RASSF5: variants seen among roughly 807,000 people sequenced by gnomAD.
RASSF5 encodes the protein Ras association domain family member 5, also known as ras association domain-containing protein 5.
Under a neutral mutation model 40.5 loss-of-function variants are expected in RASSF5, and 25 were observed. That is an observed-to-expected ratio of 0.62 (90% CI 0.45 to 0.86). The LOEUF is 0.86. RASSF5 is among the 40% of genes least tolerant of loss of function. The probability of loss-of-function intolerance (pLI) is 0.00; values close to 1 mark genes in which losing one functional copy is unlikely to be tolerated. For missense variants in RASSF5, 521 were observed against 572.8 expected, an observed-to-expected ratio of 0.91 and a Z score of 0.92; for synonymous variants, 246 against 252.4, an observed-to-expected ratio of 0.97 and a Z score of 0.24.
intron 1 of RASSF5, among the ~76,000 whole-genome samples, chr1:206,530,665 A>G (rs931541737): frequency 6.6e-6 from 1 of 152,212 alleles, no homozygotes; most frequent in African/African-American, 2.4e-5. Context: ...AGGAAGGGTG[A>G]GTAGAAAAGC....
At chr1:206,585,542 T>G in intron 5 of RASSF5, 1 of 348,032 alleles carries the variant, frequency 2.9e-6, no homozygotes, top group Non-Finnish European at 5.3e-6. Flanking sequence ...GGATTTCATG[T>G]GCTTTATTTC....
Position 206,584,360 on chromosome 1 carries a change from C to T in RASSF5, c.691-27C>T, listed in dbSNP as rs781893862. ...GATCATGCAAGGCGGACGGCCCTGACCCCCTGTGACATGCCCCCGCTGGCA... is the reference window on the plus strand; with the variant it reads ...GATCATGCAAGGCGGACGGCCCTGATCCCCTGTGACATGCCCCCGCTGGCA... On this transcript the variant is annotated intron_variant, in intron 3 of 5. Coordinates refer to ENST00000579436, the MANE Select transcript of RASSF5 (RefSeq NM_182663.4). This position sits in a 1 kb window ranked among gnomAD's most constrained non-coding sequence, Gnocchi z 4.9. 6 of 1,590,674 alleles carry T rather than the reference C, an allele frequency of 3.8e-6. No homozygotes were observed. Among genetic ancestry groups the T allele is most frequent in the Non-Finnish European group, 5.1e-6 (6 of 1,167,480 alleles).
At chr1:206,557,226 T>C in intron 2 of RASSF5, 2 of 1,081,612 alleles carry the variant, frequency 1.8e-6, no homozygotes, top group South Asian at 3.4e-5. Flanking sequence ...GAGATGGCGC[T>C]CTGCACGGCG....
At chr1:206,553,070 C>T (rs537916257) in intron 2 of RASSF5, among the ~76,000 whole-genome samples, 25 of 152,122 alleles carry the variant, frequency 1.6e-4, no homozygotes, top group African/African-American at 3.6e-4. Context: ...GGTGTGGTGG[C>T]GGGCGCCTGT....
At chr1:206,570,078 CTTT>C (rs375900760) in intron 2 of RASSF5, among the ~76,000 whole-genome samples, 2,547 of 119,170 alleles carry the variant, frequency 0.021, 81 homozygotes, top group South Asian at 0.13. Context: ...TAAAATTTAC[CTTT>C]TTTTTTTTTT....
chr1:206,565,146 C>T (rs1668250346), intron 2 of RASSF5, among the ~76,000 whole-genome samples: 1 of 152,186 alleles, frequency 6.6e-6, no homozygotes, highest in African/African-American at 2.4e-5. Context: ...TAGTCCCCCA[C>T]CTTCAATACC....
chr1:206,515,481 T>C (rs2103502580), intron 1 of RASSF5, among the ~76,000 whole-genome samples: 1 of 152,340 alleles, frequency 6.6e-6, no homozygotes, highest in Middle Eastern at 3.4e-3. Flanking sequence ...GTCCTCCTTC[T>C]TGCCATGGCC....
chr1:206,557,886 C>T (rs181919601), intron 2 of RASSF5, among the ~76,000 whole-genome samples: 1 of 152,302 alleles, frequency 6.6e-6, no homozygotes, highest in Non-Finnish European at 1.5e-5. Flanking sequence ...GGTCAGCCCT[C>T]CTCACAGCGG....
chr1:206,538,638 C>T (rs1667475014), intron 2 of RASSF5, among the ~76,000 whole-genome samples: 1 of 152,156 alleles, frequency 6.6e-6, no homozygotes, highest in African/African-American at 2.4e-5. Context: ...AGTGGGGATG[C>T]TGGGGCTGAG....
At chr1:206,510,522 C>T (rs1666588507) in intron 1 of RASSF5, among the ~76,000 whole-genome samples, 1 of 152,210 alleles carries the variant, frequency 6.6e-6, no homozygotes, top group Non-Finnish European at 1.5e-5. Flanking sequence ...ATTGTCCCCT[C>T]CCATCTAACA....
rs1450382203 is a variant in RASSF5 at position 206,588,556 on chromosome 1, G to A, written c.*1578G>A. On this transcript the variant is annotated 3_prime_UTR_variant, in exon 6 of 6. Transcript: ENST00000579436. ...TCCTCTGCCTTCCCAAGTCCCTCTT[G>A]GGTCGGTTCAAGCCCAAGCTTGTTC... The A allele has an allele frequency of 6.6e-6, 1 of 152,284 alleles. No individual in the cohort carries two copies. The highest frequency in any genetic ancestry group is 6.5e-5 in the Admixed American group (1 of 15,276). 9.4% of individuals were successfully genotyped at this position (152,284 alleles called of 1,614,324 possible).
chr1:206,510,556 G>A (rs1449229400), intron 1 of RASSF5, among the ~76,000 whole-genome samples: 2 of 152,060 alleles, frequency 1.3e-5, no homozygotes, highest in African/African-American at 4.8e-5. Context: ...GTCTGGGCTT[G>A]TGACACCTCC....
chr1:206,534,638 T>C (rs147731908), intron 1 of RASSF5, among the ~76,000 whole-genome samples: 42 of 152,314 alleles, frequency 2.8e-4, no homozygotes, highest in African/African-American at 9.9e-4. Context: ...CTGTCTCTAG[T>C]TGAGCAAGCT....
At chr1:206,566,160 G>A (rs1196216867) in intron 2 of RASSF5, among the ~76,000 whole-genome samples, 1 of 152,166 alleles carries the variant, frequency 6.6e-6, no homozygotes, top group Admixed American at 6.5e-5. Context: ...TGTGAAAGGG[G>A]GTGAGCCAAG....
At chr1:206,510,924 C>T (rs1172329331) in intron 1 of RASSF5, among the ~76,000 whole-genome samples, 3 of 152,080 alleles carry the variant, frequency 2.0e-5, no homozygotes, top group African/African-American at 7.2e-5. Context: ...CATCTGTCTG[C>T]CCAGGAGACT....
rs1386001165 is a variant in RASSF5 at position 206,513,892 on chromosome 1, T to C, written c.457+5833T>C. 1.3e-5 allele frequency among the ~76,000 whole-genome samples: 2 copies of C among 152,114 alleles called. No homozygotes were observed. The highest frequency in any genetic ancestry group is 2.9e-5 in the Non-Finnish European group (2 of 68,008). The stretch of plus-strand genomic sequence containing the variant: ...GAATAAAGTCGGGGCTTGGGAGCAG[T>C]CATGGGTTGCCCCACCCCAAGGTCA... On this transcript the variant is annotated intron_variant, in intron 1 of 5. Coordinates refer to ENST00000579436, the MANE Select transcript of RASSF5 (RefSeq NM_182663.4). The surrounding 1 kb of genome is among the most constrained non-coding windows in gnomAD (Gnocchi z 5.0).
At chr1:206,540,489 C>G (rs1176937099) in intron 2 of RASSF5, among the ~76,000 whole-genome samples, 10 of 152,274 alleles carry the variant, frequency 6.6e-5, no homozygotes, top group African/African-American at 2.4e-4. Context: ...CGCGTGGGAG[C>G]TGAACCGCCC....
chr1:206,552,102 C>T lies in RASSF5; in HGVS notation c.579+13809C>T, dbSNP rs1474451533. 7.2e-5 allele frequency among the ~76,000 whole-genome samples: 11 copies of T among 152,196 alleles called. No homozygotes were observed. Among genetic ancestry groups the T allele is most frequent in the African/African-American group, 2.7e-4 (11 of 41,428 alleles). On this transcript the variant is annotated intron_variant, in intron 2 of 5. Coordinates refer to ENST00000579436, the MANE Select transcript of RASSF5 (RefSeq NM_182663.4). This position sits in a 1 kb window ranked among gnomAD's most constrained non-coding sequence, Gnocchi z 4.1. ...TGTCAAGGCCTATCGAAGCTGTTAG[C>T]CTGGCAGCCAATCAGAAGTGTGGTG...
At chr1:206,548,966 A>C (rs782414265) in intron 2 of RASSF5, among the ~76,000 whole-genome samples, 3 of 152,090 alleles carry the variant, frequency 2.0e-5, no homozygotes, top group African/African-American at 7.2e-5. Context: ...CCTGGGTCCA[A>C]GTGATTCTCC....
Sources: gnomAD v4.1 joint callset for allele counts (sites outside exome capture counted in the v4.1 genomes callset) on GRCh38, gnomAD v4.1.1 for gene constraint, Gnocchi (gnomAD v3.1) non-coding constraint, MANE v1.5 for transcripts, NCBI Gene and HGNC (gene_info 2026-07-23, HGNC 2026-07-21) for gene names.